Variants in RNF40 observed in about 807,000 individuals in gnomAD.
The protein encoded by RNF40 is ring finger protein 40.
RNF40 carries 39 observed loss-of-function variants against 123.3 expected under a neutral mutation model. That is an observed-to-expected ratio of 0.32 (90% CI 0.24 to 0.41). The LOEUF (loss-of-function observed/expected upper bound fraction) is 0.41, where lower values mean the gene tolerates loss of function less well. RNF40 is among the 10% of genes least tolerant of loss of function. The pLI is 1.00. For synonymous variants in RNF40, 538 were observed against 526.0 expected (o/e 1.02, Z -0.31); for missense variants, 1,003 against 1,319.9 (o/e 0.76, Z 3.72).
chr16:30,773,712 C>T, intron 19 of RNF40: 1 of 442,516 alleles, frequency 2.3e-6, no homozygotes, highest in Non-Finnish European at 4.0e-6. Context: ...TGATAGCCAT[C>T]ACTGCCCAGT....
intron 11 of RNF40, 145 bp from the exon 12 acceptor site, chr16:30,767,749 C>G: frequency 9.7e-7 from 1 of 1,027,000 alleles, no homozygotes; most frequent in Non-Finnish European, 1.4e-6. Context: ...GCATTATTTA[C>G]TTTGATGAGT....
chr16:30,774,724 T>C lies in RNF40; in HGVS notation c.*610T>C. 2.9e-6 allele frequency: 1 copy of C among 341,558 alleles called. No homozygotes were observed. Among genetic ancestry groups the C allele is most frequent in the Non-Finnish European group, 5.8e-6 (1 of 173,434 alleles). 21.2% of individuals were successfully genotyped at this position (341,558 alleles called of 1,614,324 possible). A position where few individuals can be genotyped will look rare whatever the true frequency, so the allele number is the denominator to read the frequency against. On this transcript the variant is annotated 3_prime_UTR_variant, in exon 20 of 20. Coordinates refer to ENST00000324685, the MANE Select transcript of RNF40 (RefSeq NM_014771.4). ...ATCACTTGCTTCCTTTGGGAAGCTC[T>C]AAGGTTGCTGCAGTCACCTTCCTCA...
At position 30,772,286 on chromosome 16, in the gene RNF40, G is replaced by C. The variant is rs541535209; in HGVS notation, c.2829+96G>C. On this transcript the variant is annotated intron_variant, in intron 19 of 19. Transcript: ENST00000324685. The stretch of plus-strand genomic sequence containing the variant: ...AGAGTCTGGGGACCCTGGAAGTAAT[G>C]TAGGGCAGCAGAAAGTGGGCAGCAC... 9.9e-5 allele frequency: 99 copies of C among 996,940 alleles called. No homozygotes were observed. The African/African-American group carries it at 1.5e-3, about 15-fold the overall frequency. The allele number at this position is 996,940 out of a possible 1,614,324, so 61.8% of individuals were successfully genotyped here. A position where few individuals can be genotyped will look rare whatever the true frequency, so the allele number is the denominator to read the frequency against.
Position 30,768,477 on chromosome 16 carries a change from A to C in RNF40, c.1926A>C (p.Glu642Asp). ...SRADREKAKV[E>D]ETKRKESELL... ...CTGATCGGGAGAAGGCCAAGGTGGA[A>C]GAAACCAAGCGGAAGGAATCAGAAC... Residue 642 changes from glutamate to aspartate, a missense_variant, in exon 13 of 20, where the codon GAA becomes GAC. Physicochemically the swap from Glu to Asp is conservative, Grantham distance 45 (BLOSUM62 2). This residue lies in a region of RNF40 where 295 missense variants were observed against 331.7 expected (regional missense o/e 0.89). Coordinates refer to ENST00000324685, the MANE Select transcript of RNF40 (RefSeq NM_014771.4). The surrounding 1 kb of genome is among the most constrained non-coding windows in gnomAD (Gnocchi z 4.1). The C allele has an allele frequency of 6.2e-7, 1 of 1,610,690 alleles. No individual in the cohort carries two copies. The highest frequency in any genetic ancestry group is 8.5e-7 in the Non-Finnish European group (1 of 1,178,006).
chr16:30,765,420 C>T lies in RNF40; in HGVS notation c.919-5C>T, dbSNP rs2054010213. ...ATCCATTGCCTGTCTGTTTTCTCTC[C>T]ACAGCTTAACTCTGGCTACTATGTA... is the stretch of plus-strand genomic sequence containing the variant. On this transcript the variant is annotated splice_region_variant and splice_polypyrimidine_tract_variant and intron_variant, in intron 7 of 19. Transcript: ENST00000324685. 2 of 1,614,106 alleles carry T rather than the reference C, an allele frequency of 1.2e-6. No individual in the cohort carries two copies. Among genetic ancestry groups the T allele is most frequent in the Admixed American group, 1.7e-5 (1 of 60,016 alleles).
chr16:30,769,449 GC>G (rs766193227), intron 16 of RNF40, 25 bp from the exon 17 acceptor site: 1 of 1,614,090 alleles, frequency 6.2e-7, no homozygotes, highest in Non-Finnish European at 8.5e-7. Context: ...GGGGGTCATG[GC>G]CCTGAGTCCT....
chr16:30,764,850 A>G, intron 5 of RNF40, 88 bp from the exon 6 acceptor site: 1 of 1,511,790 alleles, frequency 6.6e-7, no homozygotes, highest in East Asian at 2.3e-5. Flanking sequence ...CTGGTGGATC[A>G]CACTGGGTAT....
chr16:30,774,710 C>G lies in RNF40; in HGVS notation c.*596C>G, dbSNP rs1596767479. 3.1e-6 allele frequency: 1 copy of G among 326,112 alleles called. No homozygotes were observed. The highest frequency in any genetic ancestry group is 8.7e-5 in the East Asian group (1 of 11,540). 20.2% of individuals were successfully genotyped at this position (326,112 alleles called of 1,614,324 possible). A position where few individuals can be genotyped will look rare whatever the true frequency, so the allele number is the denominator to read the frequency against. On this transcript the variant is annotated 3_prime_UTR_variant, in exon 20 of 20. Coordinates refer to ENST00000324685, the MANE Select transcript of RNF40 (RefSeq NM_014771.4). The stretch of plus-strand genomic sequence containing the variant: ...TGGCAGATGGGGGCATCACTTGCTT[C>G]CTTTGGGAAGCTCTAAGGTTGCTGC...
In RNF40 at chr16:30,771,821, C is replaced by T. The variant is rs774504841; in HGVS notation, c.2587-12C>T. ...TCAGACCAGTGCCTCCTTCCTGTTC[C>T]ACCCTACTCAGGCTGTAGAAGCCGC... is the stretch of plus-strand genomic sequence containing the variant. On this transcript the variant is annotated splice_polypyrimidine_tract_variant and intron_variant, in intron 17 of 19. Coordinates refer to ENST00000324685, the MANE Select transcript of RNF40 (RefSeq NM_014771.4). 6.5e-7 allele frequency: 1 copy of T among 1,549,452 alleles called. No individual in the cohort carries two copies. Among genetic ancestry groups the T allele is most frequent in the South Asian group, 1.2e-5 (1 of 81,230 alleles).
intron 17 of RNF40, among the ~76,000 whole-genome samples, chr16:30,770,425 C>G (rs927964101): frequency 6.6e-6 from 1 of 151,882 alleles, no homozygotes; most frequent in Non-Finnish European, 1.5e-5. Context: ...TGTTTTTAGC[C>G]TCGTTTTATA....
rs769775306 is a variant in RNF40 at position 30,766,154 on chromosome 16, A to C, written c.994-9A>C. The C allele has an allele frequency of 6.2e-7, 1 of 1,613,476 alleles. No homozygotes were observed. The highest frequency in any genetic ancestry group is 1.3e-5 in the African/African-American group (1 of 74,834). ...CCTGCCTCCCATGGCCCTGCCTCCCACTCCTTAGTTTGAGATGCTGAATGC... is the reference window on the plus strand; with the variant it reads ...CCTGCCTCCCATGGCCCTGCCTCCCCCTCCTTAGTTTGAGATGCTGAATGC... On this transcript the variant is annotated splice_polypyrimidine_tract_variant and intron_variant, in intron 8 of 19. Coordinates refer to ENST00000324685, the MANE Select transcript of RNF40 (RefSeq NM_014771.4). This position sits in a 1 kb window ranked among gnomAD's most constrained non-coding sequence, Gnocchi z 5.4.
chr16:30,762,626 G>T lies in RNF40; in HGVS notation c.81G>T (p.Lys27Asn). ...AAAAGAAGCTGAGTCGTGAGGAGAA[G>T]ACCACCACGACTCTTATCGAGCCCA... ...PPEKKLSREE[K>N]TTTTLIEPIR... The change falls in exon 2 of 20, where the codon AAG (lysine) becomes AAT (asparagine). Residue 27 changes from lysine to asparagine, a missense_variant. Around this residue, in one of 11 missense-constraint regions of RNF40, gnomAD observed 51 missense variants for 56.2 expected, o/e 0.91. Coordinates refer to ENST00000324685, the MANE Select transcript of RNF40 (RefSeq NM_014771.4). The T allele has an allele frequency of 6.2e-7, 1 of 1,611,902 alleles. No individual in the cohort carries two copies. Among genetic ancestry groups the T allele is most frequent in the Non-Finnish European group, 8.5e-7 (1 of 1,179,502 alleles).
In RNF40 at chr16:30,765,318, C is replaced by T. The variant is rs1259769920; in HGVS notation, c.909C>T (p.Ala303=). ...AGCTCAATAAGCACCTGGCAGAGGCCTTAGAGCAGGTGGGGCAGGGGTGCT... is the reference window on the plus strand; with the variant it reads ...AGCTCAATAAGCACCTGGCAGAGGCTTTAGAGCAGGTGGGGCAGGGGTGCT... ...EQKLNKHLAE[A]LEQLNSGYYV... is the part of the protein sequence containing the mutation. Residue 303 remains alanine, a synonymous_variant, in exon 7 of 20, where the codon GCC becomes GCT. Transcript: ENST00000324685. The T allele has an allele frequency of 2.5e-6, 4 of 1,614,240 alleles. No homozygotes were observed. The South Asian group carries it at 3.3e-5, about 13-fold the overall frequency.
At position 30,768,576 on chromosome 16, in the gene RNF40, C is replaced by G; in HGVS notation, c.1980-43C>G. The G allele has an allele frequency of 6.2e-7, 1 of 1,614,026 alleles. No homozygotes were observed. Among genetic ancestry groups the G allele is most frequent in the Non-Finnish European group, 8.5e-7 (1 of 1,179,896 alleles). ...CCTTCCTGACCCTGCCAGGTGGCCT[C>G]CAGTCCCACTCACTAAGACTTCCTC... On this transcript the variant is annotated intron_variant, in intron 13 of 19. Coordinates refer to ENST00000324685, the MANE Select transcript of RNF40 (RefSeq NM_014771.4). This position sits in a 1 kb window ranked among gnomAD's most constrained non-coding sequence, Gnocchi z 4.1.
Position 30,774,024 on chromosome 16 carries a change from G to A in RNF40, c.2916G>A (p.Val972=). The A allele has an allele frequency of 6.2e-7, 1 of 1,614,114 alleles. No individual in the cohort carries two copies. The highest frequency in any genetic ancestry group is 8.5e-7 in the Non-Finnish European group (1 of 1,179,938). ...TCCACGTTTTCTGCTTCGAGTGCGT[G>A]CGGGGCCGCTATGAGGCCCGCCAGA... The part of the protein sequence containing the change: ...KCFHVFCFEC[V]RGRYEARQRK... Residue 972 remains valine (V), a synonymous_variant, in exon 20 of 20, where the codon GTG becomes GTA. Coordinates refer to ENST00000324685, the MANE Select transcript of RNF40 (RefSeq NM_014771.4).
intron 2 of RNF40, among the ~76,000 whole-genome samples, 199 bp downstream of exon 2, chr16:30,762,876 G>T (rs925233224): frequency 9.9e-5 from 15 of 152,216 alleles, no homozygotes; most frequent in Non-Finnish European, 2.9e-5. Context: ...GTTTCCAGGG[G>T]GCGTGTGACT....
upstream of RNF40, chr16:30,761,672 C>A: frequency 6.5e-7 from 1 of 1,535,896 alleles, no homozygotes; most frequent in South Asian, 1.2e-5. Flanking sequence ...CCCCGCTTCC[C>A]GCCGCAGCTC....
At position 30,768,531 on chromosome 16, in the gene RNF40, G is replaced by T; in HGVS notation, c.1979+1G>T. ...TCAAGGGTCTCCGAGCAGAGCTCAAGTGAGGCTCTGTTCCTGTCTCCTTCC... is the reference window on the plus strand; with the variant it reads ...TCAAGGGTCTCCGAGCAGAGCTCAATTGAGGCTCTGTTCCTGTCTCCTTCC... On this transcript the variant is annotated splice_donor_variant, in intron 13 of 19. Coordinates refer to ENST00000324685, the MANE Select transcript of RNF40 (RefSeq NM_014771.4). LOFTEE classifies it high-confidence loss of function. This position sits in a 1 kb window ranked among gnomAD's most constrained non-coding sequence, Gnocchi z 4.1. 1 of 1,612,170 alleles carries T rather than the reference G, an allele frequency of 6.2e-7. No individual in the cohort carries two copies. The highest frequency in any genetic ancestry group is 8.5e-7 in the Non-Finnish European group (1 of 1,178,628).
chr16:30,763,767 C>T (rs1490082523), intron 4 of RNF40, among the ~76,000 whole-genome samples: 1 of 152,124 alleles, frequency 6.6e-6, no homozygotes. Context: ...GTTTTGACAC[C>T]CATTTGTTTC....
Sources: gnomAD v4.1 joint callset for allele counts (sites outside exome capture counted in the v4.1 genomes callset) on GRCh38, gnomAD v4.1.1 for gene constraint, gnomAD v4.1.1 regional missense constraint, Gnocchi (gnomAD v3.1) non-coding constraint, MANE v1.5 for transcripts, NCBI Gene and HGNC (gene_info 2026-07-23, HGNC 2026-07-21) for gene names.